DOCK4: variants seen among roughly 807,000 people sequenced by gnomAD.
DOCK4 encodes the protein dedicator of cytokinesis 4, also known as dedicator of cytokinesis protein 4.
A neutral mutation model predicts 268.1 loss-of-function variants in DOCK4; 97 were observed. The ratio of observed to expected loss-of-function variants is 0.36; its 90% CI spans 0.31 to 0.43. The LOEUF (loss-of-function observed/expected upper bound fraction) is 0.43. DOCK4 is among the 20% of genes least tolerant of loss of function. DOCK4 has a pLI of 1.00. For synonymous variants in DOCK4, 954 were observed against 887.2 expected, an observed-to-expected ratio of 1.08 and a Z score of -1.34; for missense variants, 2,145 against 2,455.7, an observed-to-expected ratio of 0.87 and a Z score of 2.67.
chr7:112,176,330 T>G (rs1818505124), intron 1 of DOCK4, among the ~76,000 whole-genome samples: 1 of 152,104 alleles, frequency 6.6e-6, no homozygotes, highest in Non-Finnish European at 1.5e-5. Context: ...CCTCACCCAA[T>G]GTGTACCCAT....
intron 44 of DOCK4, among the ~76,000 whole-genome samples, chr7:111,743,008 A>AG (rs1491118986): frequency 6.6e-6 from 1 of 152,038 alleles, no homozygotes. Context: ...GAAAAAAAAA[A>AG]GAAAAAAGAA....
intron 7 of DOCK4, among the ~76,000 whole-genome samples, chr7:111,983,862 G>GCGCGCGCACACACACACA: frequency 1.4e-5 from 2 of 138,646 alleles, no homozygotes; most frequent in Admixed American, 7.1e-5. Context: ...GCGCGCGCGC[G>GCGCGCGCACACACACACA]CACACACACA....
intron 16 of DOCK4, among the ~76,000 whole-genome samples, chr7:111,880,448 G>A (rs1382417232): frequency 6.6e-6 from 1 of 152,186 alleles, no homozygotes; most frequent in Non-Finnish European, 1.5e-5. Context: ...TTCAAGAAAT[G>A]CTAAAGGGAG....
rs866604270 is a variant in DOCK4, at chr7:111,976,194, A to G, written c.701+938T>C. On this transcript the variant is annotated intron_variant, in intron 8 of 52. Transcript: ENST00000428084. The stretch of plus-strand genomic sequence containing the variant: ...TATATATATACACACACACACACGC[A>G]CACACGCACATATGTGTGTGTGTGT... Among the ~76,000 whole-genome samples the G allele has an allele frequency of 2.3e-5, 2 of 87,854 alleles. 1 individual carries two copies. The highest frequency in any genetic ancestry group is 4.1e-5 in the Non-Finnish European group (2 of 48,230). 57.6% of individuals were successfully genotyped at this position (87,854 alleles called of 152,430 possible). A position where few individuals can be genotyped will look rare whatever the true frequency, so the allele number is the denominator to read the frequency against.
chr7:112,052,393 TAAG>T (rs1214494027), intron 1 of DOCK4, among the ~76,000 whole-genome samples: 1 of 152,188 alleles, frequency 6.6e-6, no homozygotes. Flanking sequence ...TCTATAGATA[TAAG>T]TAATGTTGCA....
At chr7:112,081,405 T>A (rs1808570021) in intron 1 of DOCK4, among the ~76,000 whole-genome samples, 1 of 152,066 alleles carries the variant, frequency 6.6e-6, no homozygotes, top group Non-Finnish European at 1.5e-5. Context: ...TCAGGGTGGC[T>A]TTCATCCCAG....
intron 16 of DOCK4, among the ~76,000 whole-genome samples, chr7:111,892,696 C>T (rs568531908): frequency 1.2e-3 from 179 of 152,182 alleles, no homozygotes; most frequent in African/African-American, 4.0e-3. Context: ...AATTCAAGGC[C>T]GCACAATGAT....
intron 1 of DOCK4, among the ~76,000 whole-genome samples, chr7:112,055,596 C>T (rs1293412894): frequency 2.0e-5 from 3 of 152,162 alleles, no homozygotes; most frequent in South Asian, 4.1e-4. Flanking sequence ...CTGCAAAAGA[C>T]GAGATAGAAT....
rs1208954199 is a variant in DOCK4 at position 112,066,598 on chromosome 7, A to G, written c.38-62467T>C. On this transcript the variant is annotated intron_variant, in intron 1 of 52. Coordinates refer to ENST00000428084, the MANE Select transcript of DOCK4 (RefSeq NM_001363540.2). ...TGTATATGTATATATACACATATAC[A>G]TATATACACGTGTATACATATATAC... Among the ~76,000 whole-genome samples the G allele has an allele frequency of 1.2e-4, 15 of 125,756 alleles. 1 individual carries two copies. The highest frequency in any genetic ancestry group is 5.3e-4 in the African/African-American group (13 of 24,308). 82.5% of individuals were successfully genotyped at this position (125,756 alleles called of 152,430 possible).
At chr7:111,760,441 A>G in intron 39 of DOCK4, 119 bp from the exon 40 acceptor site, 1 of 1,058,700 alleles carries the variant, frequency 9.4e-7, no homozygotes, top group Non-Finnish European at 1.4e-6. Flanking sequence ...CACTATAACA[A>G]AAATTACGCT....
intron 1 of DOCK4, among the ~76,000 whole-genome samples, chr7:112,150,474 C>G (rs767939493): frequency 1.3e-5 from 2 of 152,124 alleles, no homozygotes; most frequent in African/African-American, 4.8e-5. Context: ...TTGCTTTACC[C>G]CCACACGTAG....
intron 25 of DOCK4, chr7:111,840,875 G>T: frequency 7.5e-7 from 1 of 1,341,530 alleles, no homozygotes; most frequent in Non-Finnish European, 9.9e-7. Context: ...TGTTCTCTGT[G>T]AGAAAATGAT....
chr7:112,140,910 C>A (rs936648545), intron 1 of DOCK4, among the ~76,000 whole-genome samples: 3 of 152,160 alleles, frequency 2.0e-5, no homozygotes, highest in African/African-American at 7.2e-5. Context: ...GCAGGCAGAG[C>A]ACACACCTGT....
intron 23 of DOCK4, among the ~76,000 whole-genome samples, chr7:111,860,036 A>G (rs577163572): frequency 6.6e-6 from 1 of 152,184 alleles, no homozygotes; most frequent in Non-Finnish European, 1.5e-5. Context: ...TTTTTGTGAG[A>G]TGTACCAAGG....
intron 8 of DOCK4, among the ~76,000 whole-genome samples, chr7:111,960,124 C>T (rs968129845): frequency 9.2e-5 from 14 of 151,692 alleles, no homozygotes; most frequent in South Asian, 2.1e-4. Flanking sequence ...CTAGCACTTT[C>T]GGAGGCTGAG....
At chr7:111,973,537 A>G (rs1023702068) in intron 8 of DOCK4, among the ~76,000 whole-genome samples, 5 of 152,186 alleles carry the variant, frequency 3.3e-5, no homozygotes, top group Admixed American at 2.6e-4. Context: ...CAACATATGG[A>G]CTTTATTTGG....
intron 27 of DOCK4, among the ~76,000 whole-genome samples, chr7:111,812,525 T>C (rs541736202): frequency 6.6e-6 from 1 of 152,292 alleles, no homozygotes; most frequent in South Asian, 2.1e-4. Context: ...CAAGCTATCC[T>C]CCTGTCTGGG....
chr7:111,977,830 G>A (rs962420209), intron 7 of DOCK4, among the ~76,000 whole-genome samples: 1 of 152,208 alleles, frequency 6.6e-6, no homozygotes, highest in Non-Finnish European at 1.5e-5. Flanking sequence ...GCAAATAATA[G>A]TTTCTAACTT....
chr7:111,928,866 G>A (rs900333843), intron 12 of DOCK4, among the ~76,000 whole-genome samples: 3 of 152,178 alleles, frequency 2.0e-5, no homozygotes, highest in African/African-American at 7.2e-5. Context: ...TGGGATTACA[G>A]GTGGGAGCCA....
Sources: gnomAD v4.1 joint callset for allele counts (sites outside exome capture counted in the v4.1 genomes callset) on GRCh38, gnomAD v4.1.1 for gene constraint, MANE v1.5 for transcripts, NCBI Gene and HGNC (gene_info 2026-07-23, HGNC 2026-07-21) for gene names.